The following FLNB variants were observed in gnomAD, a reference collection of about 807,000 sequenced individuals.
FLNB encodes filamin B.
FLNB carries 111 observed loss-of-function variants against 250.6 expected under a neutral mutation model. The observed-to-expected ratio is 0.44, with a 90% CI of 0.38 to 0.52. The LOEUF (loss-of-function observed/expected upper bound fraction) is 0.52, where lower values mean the gene tolerates loss of function less well. Among genes scored for constraint, FLNB ranks in the 20% least tolerant of loss-of-function variants. The pLI is 0.00. For missense variants in FLNB, 2,869 were observed against 3,447.8 expected, an observed-to-expected ratio of 0.83 and a Z score of 4.20; for synonymous variants, 1,302 against 1,372.1, an observed-to-expected ratio of 0.95 and a Z score of 1.13.
rs377016254 is a variant in FLNB at position 58,130,959 on chromosome 3, G to A, written c.4390+51G>A. On this transcript the variant is annotated intron_variant, in intron 25 of 45. Transcript: ENST00000295956. ...AGACATTCATCTGCCCCAGGCAGGG[G>A]CAGCTGTAACCCAGAGCAGATGCTT... 5.4e-5 allele frequency: 85 copies of A among 1,565,168 alleles called. No homozygotes were observed. In the African/African-American group the frequency reaches 1.0e-3, roughly 18 times the overall value.
Position 58,169,758 on chromosome 3 carries a change from A to C in FLNB, c.7586A>C (p.Gln2529Pro). 1.3e-6 allele frequency: 2 copies of C among 1,592,342 alleles called. No homozygotes were observed. Among genetic ancestry groups the C allele is most frequent in the Non-Finnish European group, 1.7e-6 (2 of 1,165,650 alleles). Residue 2529 changes from glutamine to proline, a missense_variant, in exon 45 of 46, where the codon CAG becomes CCG. This residue lies in a region of FLNB where 1,084 missense variants were observed against 1,315.5 expected (regional missense o/e 0.82). Transcript: ENST00000295956. The surrounding 1 kb of genome is among the most constrained non-coding windows in gnomAD (Gnocchi z 4.8). ...GGGCTCTCAAAGGCCTTTGTGGGCC[A>C]GAAGAGTTCCTTCCTGGTGGACTGC... is the stretch of plus-strand genomic sequence containing the variant. The part of the protein sequence containing the change: ...GAGLSKAFVG[Q>P]KSSFLVDCSK...
At chr3:58,012,089 T>C (rs1165948665) in intron 1 of FLNB, among the ~76,000 whole-genome samples, 2 of 151,838 alleles carry the variant, frequency 1.3e-5, no homozygotes, top group African/African-American at 4.8e-5. Context: ...TGCACACCTG[T>C]AGTCCCAGCT....
chr3:58,046,995 G>A (rs971935684), intron 1 of FLNB, among the ~76,000 whole-genome samples: 1 of 152,156 alleles, frequency 6.6e-6, no homozygotes, highest in Non-Finnish European at 1.5e-5. Context: ...GGAATGTGTA[G>A]GATTTGAATT....
intron 1 of FLNB, among the ~76,000 whole-genome samples, chr3:58,056,532 A>T (rs542230942): frequency 9.8e-5 from 15 of 152,330 alleles, no homozygotes; most frequent in East Asian, 5.8e-4. Flanking sequence ...GAAACTTTTT[A>T]AAAAAAGTTT....
At chr3:58,035,857 C>A (rs975884855) in intron 1 of FLNB, among the ~76,000 whole-genome samples, 1 of 152,198 alleles carries the variant, frequency 6.6e-6, no homozygotes. Context: ...CTCAGTACAA[C>A]ATTCTCGGCC....
chr3:58,119,701 T>A (rs1482470287), intron 19 of FLNB, among the ~76,000 whole-genome samples: 1 of 152,116 alleles, frequency 6.6e-6, no homozygotes, highest in Non-Finnish European at 1.5e-5. Flanking sequence ...CCATTTTTCA[T>A]CTAAAAAACA....
At chr3:58,022,831 T>A (rs912919546) in intron 1 of FLNB, among the ~76,000 whole-genome samples, 2 of 152,132 alleles carry the variant, frequency 1.3e-5, no homozygotes, top group African/African-American at 4.8e-5. Context: ...TCTTTTTTTT[T>A]TTTTGAGACA....
chr3:58,110,797 T>C (rs2362241), intron 16 of FLNB, among the ~76,000 whole-genome samples: 19,070 of 152,108 alleles, frequency 0.13, 1,810 homozygotes, highest in African/African-American at 0.26. Flanking sequence ...CAGACTGCTC[T>C]CGAGCTCCTG....
At chr3:58,158,325 T>A (rs529290577) in intron 41 of FLNB, among the ~76,000 whole-genome samples, 1 of 152,192 alleles carries the variant, frequency 6.6e-6, no homozygotes, top group South Asian at 2.1e-4. Flanking sequence ...AGGAGCTGGA[T>A]GTTTAGTTTT....
chr3:58,030,528 T>C (rs2097129404), intron 1 of FLNB, among the ~76,000 whole-genome samples: 4 of 150,568 alleles, frequency 2.7e-5, no homozygotes, highest in African/African-American at 9.7e-5. Context: ...GAGTCGCTTC[T>C]TTTGAGGCCC....
chr3:58,136,940 C>T (rs1435611069), intron 28 of FLNB, among the ~76,000 whole-genome samples: 1 of 151,740 alleles, frequency 6.6e-6, no homozygotes, highest in East Asian at 1.9e-4. Flanking sequence ...AGGCTGGTCT[C>T]GAACTCCTGG....
intron 4 of FLNB, among the ~76,000 whole-genome samples, chr3:58,090,956 T>C (rs952405194): frequency 6.6e-6 from 1 of 152,000 alleles, no homozygotes; most frequent in African/African-American, 2.4e-5. Context: ...TGGGTGCCTG[T>C]AGTCCCAGCT....
chr3:58,025,823 G>A (rs1365843421), intron 1 of FLNB, among the ~76,000 whole-genome samples: 1 of 152,234 alleles, frequency 6.6e-6, no homozygotes, highest in Non-Finnish European at 1.5e-5. Context: ...CTACTTGGAA[G>A]GCTGAGGCAG....
chr3:58,098,674 G>T, intron 7 of FLNB, 37 bp from the exon 8 acceptor site: 1 of 1,606,916 alleles, frequency 6.2e-7, no homozygotes, highest in Non-Finnish European at 8.5e-7. Context: ...TTTCAGAGAG[G>T]GTGACTTGGG....
chr3:58,085,285 C>G (rs1244149411), intron 4 of FLNB, among the ~76,000 whole-genome samples: 1 of 150,592 alleles, frequency 6.6e-6, no homozygotes, highest in African/African-American at 2.5e-5. Context: ...AAGTAGGAGA[C>G]AAAATGGTCA....
intron 1 of FLNB, among the ~76,000 whole-genome samples, chr3:58,032,660 G>A (rs1163373807): frequency 6.6e-6 from 1 of 152,186 alleles, no homozygotes; most frequent in Non-Finnish European, 1.5e-5. Flanking sequence ...CCTTTACACT[G>A]TGGCCAAATT....
At chr3:58,093,382 T>G (rs1259313607) in intron 4 of FLNB, among the ~76,000 whole-genome samples, 1 of 152,196 alleles carries the variant, frequency 6.6e-6, no homozygotes, top group East Asian at 1.9e-4. Flanking sequence ...GTGATTGACA[T>G]TAACTGAGAC....
chr3:58,155,189 A>G (rs978980474), intron 40 of FLNB, among the ~76,000 whole-genome samples: 11 of 152,250 alleles, frequency 7.2e-5, no homozygotes, highest in African/African-American at 2.6e-4. Context: ...CTTTCCACCA[A>G]CCAGCCTCTG....
At position 58,169,377 on chromosome 3, in the gene FLNB, C is replaced by T; in HGVS notation, c.7418-213C>T. On this transcript the variant is annotated intron_variant, in intron 44 of 45. Coordinates refer to ENST00000295956, the MANE Select transcript of FLNB (RefSeq NM_001457.4). This position sits in a 1 kb window ranked among gnomAD's most constrained non-coding sequence, Gnocchi z 4.8. ...CTTGTCAGCCAAGGCCAGACTCATC[C>T]ATTTGCCCAGAAAGCCAGATCCTAG... 1.7e-6 allele frequency: 1 copy of T among 595,544 alleles called. No homozygotes were observed. Among genetic ancestry groups the T allele is most frequent in the Non-Finnish European group, 3.1e-6 (1 of 327,158 alleles). 36.9% of individuals were successfully genotyped at this position (595,544 alleles called of 1,614,324 possible). A position where few individuals can be genotyped will look rare whatever the true frequency, so the allele number is the denominator to read the frequency against.
Sources: gnomAD v4.1 joint callset for allele counts (sites outside exome capture counted in the v4.1 genomes callset) on GRCh38, gnomAD v4.1.1 for gene constraint, gnomAD v4.1.1 regional missense constraint, Gnocchi (gnomAD v3.1) non-coding constraint, MANE v1.5 for transcripts, NCBI Gene and HGNC (gene_info 2026-07-23, HGNC 2026-07-21) for gene names.